The following SKIC3 variants were observed in gnomAD, a reference collection of about 807,000 sequenced individuals.
SKIC3 encodes the protein superkiller complex protein 3.
the SKIC3 span, among the ~76,000 whole-genome samples, chr5:95,535,307 ATTTTTTTTT>A: frequency 1.1e-5 from 1 of 91,808 alleles, no homozygotes; most frequent in African/African-American, 4.3e-5. Flanking sequence ...GGTAACAGCA[ATTTTTTTTT>A]TTTTTTTTTT....
At chr5:95,487,600 T>C in the SKIC3 span, among the ~76,000 whole-genome samples, 1 of 152,178 alleles carries the variant, frequency 6.6e-6, no homozygotes, top group Non-Finnish European at 1.5e-5. Context: ...TGATGCTGTC[T>C]ACAGCCAAAG....
At chr5:95,482,539 T>C in the SKIC3 span, 1 of 1,613,910 alleles carries the variant, frequency 6.2e-7, no homozygotes. Context: ...GTACAGCATC[T>C]GGGAGTGGCT....
the SKIC3 span, chr5:95,514,841 G>A: frequency 6.2e-7 from 1 of 1,609,884 alleles, no homozygotes; most frequent in East Asian, 2.2e-5. Context: ...GTAACTATAT[G>A]TTATATTTCT....
At chr5:95,491,670 T>C in the SKIC3 span, among the ~76,000 whole-genome samples, 11 of 152,162 alleles carry the variant, frequency 7.2e-5, no homozygotes, top group Non-Finnish European at 1.2e-4. Context: ...TTTTTATGCA[T>C]AGAAAAGATT....
chr5:95,497,154 A>C, the SKIC3 span, among the ~76,000 whole-genome samples: 5 of 152,220 alleles, frequency 3.3e-5, no homozygotes, highest in Admixed American at 1.3e-4. Flanking sequence ...CATGTGTTCA[A>C]AGAGATCTTC....
chr5:95,482,040 T>TC, the SKIC3 span, among the ~76,000 whole-genome samples: 2 of 152,170 alleles, frequency 1.3e-5, no homozygotes, highest in East Asian at 3.8e-4. Context: ...GAGCAGATGA[T>TC]CTGTTGATTC....
At chr5:95,552,261 C>T in the SKIC3 span, among the ~76,000 whole-genome samples, 8 of 152,190 alleles carry the variant, frequency 5.3e-5, no homozygotes, top group Non-Finnish European at 1.2e-4. Context: ...TACTACACTA[C>T]ATGAATACTA....
chr5:95,494,690 A>G, the SKIC3 span: 10 of 1,613,634 alleles, frequency 6.2e-6, no homozygotes, highest in South Asian at 4.4e-5. Flanking sequence ...ACCTGGAGAA[A>G]GGAGAGCTGC....
the SKIC3 span, among the ~76,000 whole-genome samples, chr5:95,487,251 C>T: frequency 6.6e-6 from 1 of 152,138 alleles, no homozygotes; most frequent in Non-Finnish European, 1.5e-5. Flanking sequence ...TTGCAAACAG[C>T]CTGTTGTGGG....
chr5:95,498,828 T>C, the SKIC3 span, among the ~76,000 whole-genome samples: 1 of 152,186 alleles, frequency 6.6e-6, no homozygotes, highest in Non-Finnish European at 1.5e-5. Context: ...GGTTTCACCA[T>C]GTTAGCTAGG....
the SKIC3 span, chr5:95,528,193 A>G: frequency 1.2e-6 from 2 of 1,612,516 alleles, no homozygotes; most frequent in South Asian, 2.2e-5. Flanking sequence ...CAGCCATATC[A>G]CTTCTGTTTA....
At chr5:95,479,675 TTGTGTGTG>T in the SKIC3 span, among the ~76,000 whole-genome samples, 1,494 of 144,040 alleles carry the variant, frequency 0.01, 27 homozygotes, top group African/African-American at 0.034. Context: ...GGAAAAAACA[TTGTGTGTG>T]TGTGTGTGTG....
the SKIC3 span, among the ~76,000 whole-genome samples, chr5:95,506,516 G>A: frequency 1.3e-5 from 2 of 152,064 alleles, no homozygotes; most frequent in African/African-American, 4.8e-5. Context: ...GAAAGATATA[G>A]AGCTCATTCC....
the SKIC3 span, among the ~76,000 whole-genome samples, chr5:95,476,603 T>C: frequency 6.6e-6 from 1 of 152,172 alleles, no homozygotes; most frequent in Non-Finnish European, 1.5e-5. Flanking sequence ...AAGGCATGTG[T>C]AAACATTCCT....
At chr5:95,471,074 CA>C in the SKIC3 span, among the ~76,000 whole-genome samples, 3 of 151,956 alleles carry the variant, frequency 2.0e-5, no homozygotes, top group Non-Finnish European at 4.4e-5. Flanking sequence ...TAGGCAATAG[CA>C]ATTTGTATAA....
the SKIC3 span, chr5:95,469,814 CT>C: frequency 1.2e-6 from 2 of 1,613,952 alleles, no homozygotes; most frequent in African/African-American, 2.7e-5. Flanking sequence ...TGTAACAAAG[CT>C]TGTAAAAGAA....
At chr5:95,551,065 A>C in the SKIC3 span, among the ~76,000 whole-genome samples, 1 of 152,152 alleles carries the variant, frequency 6.6e-6, no homozygotes, top group Non-Finnish European at 1.5e-5. Context: ...TTGCAGCCTA[A>C]TTATATTAGA....
At chr5:95,507,292 G>C in the SKIC3 span, among the ~76,000 whole-genome samples, 2 of 152,108 alleles carry the variant, frequency 1.3e-5, no homozygotes, top group African/African-American at 4.8e-5. Context: ...TATAGGAAAT[G>C]ACTATGTCAC....
At chr5:95,489,484 A>C in the SKIC3 span, among the ~76,000 whole-genome samples, 1 of 151,610 alleles carries the variant, frequency 6.6e-6, no homozygotes, top group African/African-American at 2.4e-5. Flanking sequence ...ATTAATTCTA[A>C]ATGTATATTG....
Sources: gnomAD v4.1 joint callset for allele counts (sites outside exome capture counted in the v4.1 genomes callset) on GRCh38, gnomAD v4.1.1 for gene constraint, MANE v1.5 for transcripts, NCBI Gene and HGNC (gene_info 2026-07-23, HGNC 2026-07-21) for gene names.